The following STT3B variants were observed in gnomAD, a reference collection of about 807,000 sequenced individuals.
STT3B encodes dolichyl-diphosphooligosaccharide--protein glycosyltransferase subunit STT3B.
Under a neutral mutation model 96.8 loss-of-function variants are expected in STT3B, and 29 were observed. The observed-to-expected ratio is 0.30, with a 90% CI of 0.22 to 0.41. STT3B has a LOEUF of 0.41. Ranked by LOEUF, STT3B falls within the 10% of genes least tolerant of loss-of-function variation. STT3B has a pLI of 1.00. For synonymous variants in STT3B, 367 were observed against 360.0 expected (o/e 1.02, Z -0.22); for missense variants, 640 against 1,022.3 (o/e 0.63, Z 5.10).
intron 13 of STT3B, among the ~76,000 whole-genome samples, chr3:31,627,463 A>G (rs1412955480): frequency 6.6e-6 from 1 of 152,200 alleles, no homozygotes; most frequent in African/African-American, 2.4e-5. Context: ...GCTTTTTTGT[A>G]TTAGATTGTG....
chr3:31,578,630 G>A (rs7649067), intron 2 of STT3B, among the ~76,000 whole-genome samples: 97,737 of 151,540 alleles, frequency 0.64, 32,850 homozygotes, highest in Non-Finnish European at 0.75. Context: ...AAGTAGAACA[G>A]AATTTTTATG....
At chr3:31,564,783 T>G (rs1697962249) in intron 1 of STT3B, among the ~76,000 whole-genome samples, 1 of 152,186 alleles carries the variant, frequency 6.6e-6, no homozygotes, top group African/African-American at 2.4e-5. Flanking sequence ...CAATAAAAAG[T>G]AAAATGAGAT....
chr3:31,578,512 A>T (rs1414363518), intron 2 of STT3B, among the ~76,000 whole-genome samples: 1 of 151,904 alleles, frequency 6.6e-6, no homozygotes, highest in South Asian at 2.1e-4. Flanking sequence ...CTACCGTATT[A>T]TATGGATATA....
At chr3:31,617,906 G>T (rs141869599) in intron 7 of STT3B, 34 bp from the exon 8 acceptor site, 48 of 1,471,384 alleles carry the variant, frequency 3.3e-5, no homozygotes, top group Non-Finnish European at 4.4e-5. Flanking sequence ...TAATAAAAAG[G>T]CAGATTAATT....
At chr3:31,539,016 C>G (rs1244048916) in intron 1 of STT3B, among the ~76,000 whole-genome samples, 2 of 152,044 alleles carry the variant, frequency 1.3e-5, no homozygotes, top group African/African-American at 4.8e-5. Context: ...TGCCCAGAGG[C>G]TCCCATATTT....
At position 31,569,656 on chromosome 3, in the gene STT3B, G is replaced by A. The variant is rs552669589; in HGVS notation, c.315-6740G>A. Among the ~76,000 whole-genome samples the A allele has an allele frequency of 2.0e-5, 3 of 152,244 alleles. No individual in the cohort carries two copies. In the East Asian group the frequency reaches 5.8e-4, roughly 29 times the overall value. On this transcript the variant is annotated intron_variant, in intron 1 of 15. Transcript: ENST00000295770. ...TAAAATAGTAAAACTTGCATTGACA[G>A]TATTAAAAGAAGGAGGATATATGTG...
chr3:31,593,651 A>G (rs1017441102), intron 3 of STT3B, among the ~76,000 whole-genome samples: 2 of 152,122 alleles, frequency 1.3e-5, no homozygotes, highest in African/African-American at 2.4e-5. Flanking sequence ...CAAATTTGCC[A>G]TTAAGCCTAC....
intron 4 of STT3B, among the ~76,000 whole-genome samples, chr3:31,599,810 T>G (rs987758476): frequency 6.6e-6 from 1 of 152,204 alleles, no homozygotes; most frequent in Middle Eastern, 3.2e-3. Flanking sequence ...AAGATTAAAA[T>G]GGGATCTTGC....
At chr3:31,564,839 CTGGGGGAT>C (rs1215418597) in intron 1 of STT3B, among the ~76,000 whole-genome samples, 2 of 152,160 alleles carry the variant, frequency 1.3e-5, no homozygotes, top group East Asian at 3.9e-4. Flanking sequence ...CTTTAAATTC[CTGGGGGAT>C]TAGAAAGTAC....
At chr3:31,599,596 T>C (rs1412490513) in intron 4 of STT3B, among the ~76,000 whole-genome samples, 1 of 152,226 alleles carries the variant, frequency 6.6e-6, no homozygotes, top group Non-Finnish European at 1.5e-5. Context: ...TGACTGTTGA[T>C]ACAAATGAGC....
intron 1 of STT3B, among the ~76,000 whole-genome samples, chr3:31,559,591 C>T (rs1000573123): frequency 1.1e-4 from 16 of 151,822 alleles, no homozygotes; most frequent in African/African-American, 2.7e-4. Context: ...TTTTTTAATT[C>T]GTTAAGACTT....
chr3:31,589,575 C>G (rs137976820), intron 3 of STT3B, among the ~76,000 whole-genome samples: 2 of 151,992 alleles, frequency 1.3e-5, no homozygotes, highest in Non-Finnish European at 2.9e-5. Context: ...TTCCATTGAT[C>G]TAGATGTCTA....
At chr3:31,611,554 C>T (rs898922762) in intron 5 of STT3B, among the ~76,000 whole-genome samples, 6 of 152,134 alleles carry the variant, frequency 3.9e-5, no homozygotes, top group African/African-American at 1.2e-4. Context: ...GGCTGGAGTG[C>T]AGTGCGATTT....
intron 1 of STT3B, among the ~76,000 whole-genome samples, chr3:31,570,858 G>A (rs952412833): frequency 6.6e-6 from 1 of 152,108 alleles, no homozygotes; most frequent in Non-Finnish European, 1.5e-5. Context: ...GCTTTACAGG[G>A]ATTCTTGCTG....
At chr3:31,607,830 G>A (rs892951405) in intron 5 of STT3B, among the ~76,000 whole-genome samples, 1 of 152,002 alleles carries the variant, frequency 6.6e-6, no homozygotes, top group African/African-American at 2.4e-5. Context: ...GAACTCCTGG[G>A]CTGAAGTGGT....
intron 1 of STT3B, among the ~76,000 whole-genome samples, chr3:31,563,442 A>T (rs1295622044): frequency 6.6e-6 from 1 of 152,226 alleles, no homozygotes; most frequent in Non-Finnish European, 1.5e-5. Context: ...CAGATAGGCA[A>T]GCAAACAAGT....
chr3:31,578,103 A>T (rs1043897415), intron 2 of STT3B, among the ~76,000 whole-genome samples: 4 of 152,164 alleles, frequency 2.6e-5, no homozygotes, highest in Non-Finnish European at 5.9e-5. Flanking sequence ...ACACATTTGA[A>T]TGAGTTTCAT....
At chr3:31,619,915 A>G (rs532473468) in intron 9 of STT3B, 85 bp downstream of exon 9, 8 of 1,518,944 alleles carry the variant, frequency 5.3e-6, no homozygotes, top group Admixed American at 2.3e-5. Flanking sequence ...TTGTTTTTCT[A>G]TGTTTGACTC....
intron 1 of STT3B, among the ~76,000 whole-genome samples, chr3:31,542,785 G>A (rs1413663451): frequency 1.3e-5 from 2 of 152,096 alleles, no homozygotes; most frequent in African/African-American, 4.8e-5. Flanking sequence ...AAAAATTCCA[G>A]GCTGGCTGGG....
Sources: gnomAD v4.1 joint callset for allele counts (sites outside exome capture counted in the v4.1 genomes callset) on GRCh38, gnomAD v4.1.1 for gene constraint, MANE v1.5 for transcripts, NCBI Gene and HGNC (gene_info 2026-07-23, HGNC 2026-07-21) for gene names.